LRP1B: variants seen among roughly 807,000 people sequenced by gnomAD.
LRP1B encodes low-density lipoprotein receptor-related protein 1B.
A neutral mutation model predicts 556.6 loss-of-function variants in LRP1B; 217 were observed. The observed-to-expected ratio is 0.39, with a 90% CI of 0.35 to 0.44. The LOEUF is 0.44. Among genes scored for constraint, LRP1B ranks in the 20% least tolerant of loss-of-function variants. The pLI, the probability that LRP1B is intolerant of heterozygous loss-of-function variation, is 1.00. For synonymous variants in LRP1B, 2,047 were observed against 1,865.8 expected (o/e 1.10, Z -2.50); for missense variants, 5,053 against 5,620.8 (o/e 0.90, Z 3.23).
intron 32 of LRP1B, among the ~76,000 whole-genome samples, chr2:140,793,269 T>A (rs1690185451): frequency 6.6e-6 from 1 of 152,028 alleles, no homozygotes. Context: ...GACTTCGACT[T>A]TGATTTTGAT....
Position 140,689,883 on chromosome 2 carries a change from A to ATGT in LRP1B, c.6799+10366_6799+10367insACA, listed in dbSNP as rs1686177843. ...ATTCTGCAAACAGAAACCTTGTTAG[A>ATGT]ATTTCTAACATGATGTACTGGGGCA... On this transcript the variant is annotated intron_variant, in intron 41 of 90. Transcript: ENST00000389484. Among the ~76,000 whole-genome samples, 3 of 152,328 alleles carry ATGT rather than the reference A, an allele frequency of 2.0e-5. No homozygotes were observed. The East Asian group carries it at 5.8e-4, about 29-fold the overall frequency.
In LRP1B at chr2:140,716,662, T is replaced by A; in HGVS notation, c.5893+20A>T. 6.3e-7 allele frequency: 1 copy of A among 1,587,506 alleles called. No homozygotes were observed. Among genetic ancestry groups the A allele is most frequent in the African/African-American group, 1.4e-5 (1 of 73,284 alleles). On this transcript the variant is annotated intron_variant, in intron 36 of 90. Coordinates refer to ENST00000389484, the MANE Select transcript of LRP1B (RefSeq NM_018557.3). ...ACAAAATAGGTGTGAAACAGAAAGATAAAAAGCCATGGATTATACCAGCAA... is the reference window on the plus strand; with the variant it reads ...ACAAAATAGGTGTGAAACAGAAAGAAAAAAAGCCATGGATTATACCAGCAA...
At chr2:141,078,308 T>A (rs1699841624) in intron 7 of LRP1B, among the ~76,000 whole-genome samples, 1 of 152,182 alleles carries the variant, frequency 6.6e-6, no homozygotes, top group Non-Finnish European at 1.5e-5. Context: ...AGTTCATTTT[T>A]TTTTTCCTTA....
intron 67 of LRP1B, among the ~76,000 whole-genome samples, chr2:140,380,773 A>G (rs911286613): frequency 6.6e-6 from 1 of 152,236 alleles, no homozygotes; most frequent in Non-Finnish European, 1.5e-5. Flanking sequence ...ACACTTTGCT[A>G]TACAAAGGGT....
chr2:141,972,862 A>C (rs1701783485), intron 1 of LRP1B, among the ~76,000 whole-genome samples: 1 of 151,598 alleles, frequency 6.6e-6, no homozygotes. Flanking sequence ...GCTTTTTATA[A>C]TTTTAACAAG....
At chr2:141,156,125 C>T (rs1702059127) in intron 7 of LRP1B, among the ~76,000 whole-genome samples, 1 of 152,216 alleles carries the variant, frequency 6.6e-6, no homozygotes, top group African/African-American at 2.4e-5. Context: ...CTCACCAGAA[C>T]TAAAACAAAA....
In LRP1B at chr2:140,325,778, A is replaced by C. The variant is rs1217223341; in HGVS notation, c.12324T>G (p.Ser4108=). The C allele has an allele frequency of 6.2e-7, 1 of 1,611,326 alleles. No homozygotes were observed. Among genetic ancestry groups the C allele is most frequent in the South Asian group, 1.1e-5 (1 of 90,794 alleles). ...VLYDGSNSVV[S]VSSKQGLLHP... ...TTCACAAACCTTGTTTGCTGCTGAC[A>C]GAGACTACTGAATTAGAGCCATCAT... The change falls in exon 80 of 91, where the codon TCT becomes TCG. Residue 4108 remains serine, a synonymous_variant. Coordinates refer to ENST00000389484, the MANE Select transcript of LRP1B (RefSeq NM_018557.3).
In LRP1B at chr2:140,770,919, A is replaced by G; in HGVS notation, c.5588T>C (p.Val1863Ala). Residue 1863 changes from valine (V) to alanine (A), a missense_variant, in exon 34 of 91, where the codon GTG (valine) becomes GCG (alanine). By Grantham distance (64) the Val-to-Ala change is moderately conservative. This residue lies in a region of LRP1B where 3,619 missense variants were observed against 3,931.9 expected (regional missense o/e 0.92). Coordinates refer to ENST00000389484, the MANE Select transcript of LRP1B (RefSeq NM_018557.3). ...SETTRTCMCT[V>A]GYYLQKNRMS... ...ACGGTTCTTTTGGAGATAATATCCC[A>G]CTGTACACATACAAGTCCTTGTAGT... The G allele has an allele frequency of 6.3e-7, 1 of 1,578,622 alleles. No individual in the cohort carries two copies. Among genetic ancestry groups the G allele is most frequent in the Non-Finnish European group, 8.6e-7 (1 of 1,166,386 alleles).
intron 60 of LRP1B, among the ~76,000 whole-genome samples, chr2:140,473,860 T>C (rs1687863759): frequency 6.6e-6 from 1 of 151,924 alleles, no homozygotes. Flanking sequence ...AACCCAAGAA[T>C]GAGGCAGAAC....
rs543988471 is a variant in LRP1B, at chr2:140,264,480, C to CT, written c.13247+5761dup. Among the ~76,000 whole-genome samples the CT allele has an allele frequency of 2.9e-3, 438 of 152,200 alleles. 3 individuals are homozygous for CT. Among genetic ancestry groups the CT allele is most frequent in the African/African-American group, 9.8e-3 (409 of 41,544 alleles). On this transcript the variant is annotated intron_variant, in intron 86 of 90. Coordinates refer to ENST00000389484, the MANE Select transcript of LRP1B (RefSeq NM_018557.3). ...TGTTAGCCAGGCTAATCTTCAACTACTAACCTCAAGTGATCCGCCCACCTC... is the reference window on the plus strand; with the variant it reads ...TGTTAGCCAGGCTAATCTTCAACTACTTAACCTCAAGTGATCCGCCCACCTC...
intron 29 of LRP1B, 125 bp downstream of exon 29, chr2:140,849,977 A>C: frequency 1.5e-6 from 1 of 646,894 alleles, no homozygotes; most frequent in Non-Finnish European, 2.7e-6. Context: ...TTAAATCTCT[A>C]ATCAATTCTA....
chr2:141,317,998 G>A (rs1295444254), intron 3 of LRP1B, among the ~76,000 whole-genome samples: 1 of 152,002 alleles, frequency 6.6e-6, no homozygotes, highest in Non-Finnish European at 1.5e-5. Context: ...TGCACTGTCA[G>A]TCCCTCATGC....
At chr2:141,416,200 T>TCTCCTAGC (rs1432988742) in intron 3 of LRP1B, among the ~76,000 whole-genome samples, 2 of 152,196 alleles carry the variant, frequency 1.3e-5, no homozygotes, top group Non-Finnish European at 2.9e-5. Flanking sequence ...GGTGAGGCTT[T>TCTCCTAGC]CTCCTAGCGA....
At chr2:141,579,138 T>C (rs1165055633) in intron 2 of LRP1B, among the ~76,000 whole-genome samples, 1 of 152,180 alleles carries the variant, frequency 6.6e-6, no homozygotes, top group Admixed American at 6.5e-5. Flanking sequence ...GCCAATTTAT[T>C]TACTCTTCTT....
At chr2:141,943,306 G>A (rs1362706746) in intron 1 of LRP1B, among the ~76,000 whole-genome samples, 1 of 152,152 alleles carries the variant, frequency 6.6e-6, no homozygotes, top group Non-Finnish European at 1.5e-5. Flanking sequence ...ATTCCGAAGT[G>A]TTATAACAAT....
At chr2:141,290,861 C>A (rs1413538107) in intron 3 of LRP1B, among the ~76,000 whole-genome samples, 1 of 152,050 alleles carries the variant, frequency 6.6e-6, no homozygotes, top group Non-Finnish European at 1.5e-5. Flanking sequence ...TAAATATTGT[C>A]CTCAAGATGA....
intron 15 of LRP1B, among the ~76,000 whole-genome samples, chr2:140,995,447 G>T (rs1482450610): frequency 6.6e-6 from 1 of 151,966 alleles, no homozygotes. Context: ...AAACAACACT[G>T]ATCAAAGTAA....
chr2:141,911,969 T>C (rs756906537), intron 1 of LRP1B, among the ~76,000 whole-genome samples: 31 of 152,142 alleles, frequency 2.0e-4, no homozygotes, highest in Admixed American at 9.2e-4. Context: ...TTATTAGCAA[T>C]TGTCAGTATT....
intron 3 of LRP1B, among the ~76,000 whole-genome samples, chr2:141,475,629 C>G (rs1419792814): frequency 6.6e-6 from 1 of 151,964 alleles, no homozygotes; most frequent in Non-Finnish European, 1.5e-5. Context: ...TATCCTGTAC[C>G]CATATAAACC....
Sources: gnomAD v4.1 joint callset for allele counts (sites outside exome capture counted in the v4.1 genomes callset) on GRCh38, gnomAD v4.1.1 for gene constraint, gnomAD v4.1.1 regional missense constraint, MANE v1.5 for transcripts, NCBI Gene and HGNC (gene_info 2026-07-23, HGNC 2026-07-21) for gene names.